Variants in DCAF5 observed in about 807,000 individuals in gnomAD.
DCAF5 encodes the protein DDB1 and CUL4 associated factor 5, also known as DDB1- and CUL4-associated factor 5.
A neutral mutation model predicts 80.7 loss-of-function variants in DCAF5; 9 were observed. The observed-to-expected ratio is 0.11, with a 90% CI of 0.07 to 0.19. The LOEUF is 0.19. Ranked by LOEUF, DCAF5 falls within the 10% of genes least tolerant of loss-of-function variation. The probability of loss-of-function intolerance (pLI) is 1.00; values close to 1 mark genes in which losing one functional copy is unlikely to be tolerated. For synonymous variants in DCAF5, 433 were observed against 461.9 expected (o/e 0.94, Z 0.80); for missense variants, 842 against 1,205.7 (o/e 0.70, Z 4.47).
chr14:69,060,873 C>G (rs1471048043), intron 8 of DCAF5, among the ~76,000 whole-genome samples: 1 of 151,962 alleles, frequency 6.6e-6, no homozygotes, highest in Non-Finnish European at 1.5e-5. Context: ...CCATGAAGTA[C>G]AATTTGATTT....
Position 69,053,606 on chromosome 14 carries a change from G to A in DCAF5, c.*251C>T, listed in dbSNP as rs184926603. 1.4e-4 allele frequency: 66 copies of A among 470,332 alleles called. No homozygotes were observed. Among genetic ancestry groups the A allele is most frequent in the Admixed American group, 4.4e-4 (11 of 24,746 alleles). 29.1% of individuals were successfully genotyped at this position (470,332 alleles called of 1,614,324 possible). A position where few individuals can be genotyped will look rare whatever the true frequency, so the allele number is the denominator to read the frequency against. ...GCCTTGCGCGGCACACTACGCTCAC[G>A]TCTCACTAGAAAGGAGTCACTTGGG... On this transcript the variant is annotated 3_prime_UTR_variant, in exon 9 of 9. Coordinates refer to ENST00000341516, the MANE Select transcript of DCAF5 (RefSeq NM_003861.3).
intron 1 of DCAF5, among the ~76,000 whole-genome samples, chr14:69,150,590 T>G (rs970709161): frequency 5.9e-5 from 9 of 152,104 alleles, no homozygotes; most frequent in Non-Finnish European, 8.8e-5. Flanking sequence ...AATTTGTTAT[T>G]TTTTTTAAAG....
At chr14:69,128,507 T>A (rs1234686734) in intron 1 of DCAF5, among the ~76,000 whole-genome samples, 1 of 152,218 alleles carries the variant, frequency 6.6e-6, no homozygotes, top group Non-Finnish European at 1.5e-5. Context: ...AGTTTTGGAT[T>A]ATGTTTAATG....
Position 69,054,649 on chromosome 14 carries a change from A to T in DCAF5, c.2037T>A (p.Asp679Glu). Residue 679 changes from aspartate to glutamate, a missense_variant, in exon 9 of 9, where the codon GAT becomes GAA. Coordinates refer to ENST00000341516, the MANE Select transcript of DCAF5 (RefSeq NM_003861.3). ...YSYISYSNNK[D>E]GETSLVTGEA... ...CCCCGGTCACCAAGGAGGTCTCTCC[A>T]TCTTTGTTATTTGAGTAGGAGATAT... 1.9e-6 allele frequency: 3 copies of T among 1,614,120 alleles called. No homozygotes were observed. The highest frequency in any genetic ancestry group is 2.5e-6 in the Non-Finnish European group (3 of 1,180,006).
At chr14:69,077,649 A>G (rs2038952112) in intron 6 of DCAF5, among the ~76,000 whole-genome samples, 2 of 152,094 alleles carry the variant, frequency 1.3e-5, no homozygotes, top group South Asian at 4.1e-4. Context: ...ATGTGTTGGG[A>G]TTATAGGAAT....
At chr14:69,056,746 C>T (rs1459199192) in intron 8 of DCAF5, among the ~76,000 whole-genome samples, 1 of 152,210 alleles carries the variant, frequency 6.6e-6, no homozygotes, top group Admixed American at 6.5e-5. Context: ...ATGCACCTCC[C>T]TGTGGGAATT....
At chr14:69,073,049 A>T (rs1304556927) in intron 7 of DCAF5, among the ~76,000 whole-genome samples, 2 of 152,270 alleles carry the variant, frequency 1.3e-5, no homozygotes, top group Non-Finnish European at 2.9e-5. Context: ...TGCATTTTAG[A>T]ATAAAGCAGC....
intron 7 of DCAF5, among the ~76,000 whole-genome samples, chr14:69,071,990 G>C (rs1300402245): frequency 1.3e-5 from 2 of 152,172 alleles, no homozygotes; most frequent in African/African-American, 4.8e-5. Flanking sequence ...GAAGTCTGGG[G>C]GTTGCCAATT....
At chr14:69,132,981 A>G (rs547916470) in intron 1 of DCAF5, among the ~76,000 whole-genome samples, 1 of 152,364 alleles carries the variant, frequency 6.6e-6, no homozygotes, top group East Asian at 1.9e-4. Flanking sequence ...GATCTGTGTA[A>G]AAGACTTGGC....
intron 6 of DCAF5, among the ~76,000 whole-genome samples, chr14:69,082,427 A>G (rs1299822118): frequency 6.6e-6 from 1 of 151,202 alleles, no homozygotes; most frequent in Non-Finnish European, 1.5e-5. Context: ...AGTTTATTAA[A>G]ATAACCAACC....
intron 5 of DCAF5, among the ~76,000 whole-genome samples, chr14:69,102,735 T>C (rs932452293): frequency 6.6e-6 from 1 of 152,094 alleles, no homozygotes; most frequent in Non-Finnish European, 1.5e-5. Context: ...TCATCTCTTA[T>C]GATAATGCCT....
chr14:69,089,814 C>T (rs912930068), intron 6 of DCAF5: 4 of 546,288 alleles, frequency 7.3e-6, no homozygotes, highest in East Asian at 1.5e-4. Context: ...ATGATATTAC[C>T]GGCTTCTAGT....
chr14:69,056,934 G>A (rs943250632), intron 8 of DCAF5, among the ~76,000 whole-genome samples: 3 of 152,168 alleles, frequency 2.0e-5, no homozygotes, highest in Non-Finnish European at 4.4e-5. Context: ...AACTCTAGAT[G>A]TGGCTCAGAT....
chr14:69,093,318 T>C (rs1490512071), intron 5 of DCAF5, among the ~76,000 whole-genome samples: 1 of 152,208 alleles, frequency 6.6e-6, no homozygotes, highest in Non-Finnish European at 1.5e-5. Flanking sequence ...TTGTCATGGA[T>C]AGGTAGTGAT....
intron 5 of DCAF5, among the ~76,000 whole-genome samples, chr14:69,099,273 C>CAG (rs1465618881): frequency 6.7e-6 from 1 of 150,352 alleles, no homozygotes; most frequent in Non-Finnish European, 1.5e-5. Context: ...CACACACACA[C>CAG]ACACACACAC....
At position 69,135,033 on chromosome 14, in the gene DCAF5, G is replaced by C. The variant is rs182107886; in HGVS notation, c.215-12673C>G. Among the ~76,000 whole-genome samples the C allele has an allele frequency of 3.2e-3, 492 of 152,306 alleles. 2 individuals are homozygous for C. The highest frequency in any genetic ancestry group is 0.011 in the African/African-American group (467 of 41,568). On this transcript the variant is annotated intron_variant, in intron 1 of 8. Coordinates refer to ENST00000341516, the MANE Select transcript of DCAF5 (RefSeq NM_003861.3). ...AAAAATAAACAGAAGAAACAAGACAGAATTGGTTAAATTCTGATGTAGACA... is the reference window on the plus strand; with the variant it reads ...AAAAATAAACAGAAGAAACAAGACACAATTGGTTAAATTCTGATGTAGACA...
At chr14:69,103,802 A>T (rs1294458912) in intron 5 of DCAF5, among the ~76,000 whole-genome samples, 1 of 152,200 alleles carries the variant, frequency 6.6e-6, no homozygotes, top group African/African-American at 2.4e-5. Flanking sequence ...GGCAATCAAT[A>T]ATCTGTACTT....
intron 1 of DCAF5, among the ~76,000 whole-genome samples, chr14:69,142,808 A>T (rs931234815): frequency 2.0e-5 from 3 of 152,254 alleles, no homozygotes; most frequent in Admixed American, 2.0e-4. Flanking sequence ...AAATGTAATC[A>T]TTCAGCATGA....
chr14:69,068,007 T>C (rs953782667), intron 7 of DCAF5, among the ~76,000 whole-genome samples: 9 of 152,228 alleles, frequency 5.9e-5, no homozygotes, highest in African/African-American at 1.9e-4. Context: ...GCTGAAATCC[T>C]ATCTATCCTT....
Sources: allele counts gnomAD v4.1 joint callset (sites outside exome capture counted in the v4.1 genomes callset), GRCh38; gene constraint gnomAD v4.1.1; transcripts MANE v1.5; gene names NCBI Gene and HGNC (gene_info 2026-07-23, HGNC 2026-07-21).